ZNF662: variants seen among roughly 807,000 people sequenced by gnomAD.
The protein encoded by ZNF662 is zinc finger protein 662.
Under a neutral mutation model 12.4 loss-of-function variants are expected in ZNF662, and 14 were observed. The ratio of observed to expected loss-of-function variants is 1.13; its 90% CI spans 0.75 to 1.77. The LOEUF is 1.77. Among genes scored for constraint, ZNF662 ranks in the 40% most tolerant of loss-of-function variants. The pLI is 0.00. For missense variants in ZNF662, 550 were observed against 515.6 expected (o/e 1.07, Z -0.65); for synonymous variants, 184 against 176.4 (o/e 1.04, Z -0.34).
At position 42,914,330 on chromosome 3, in the gene ZNF662, G is replaced by A. The variant is rs1229373104; in HGVS notation, c.257G>A (p.Gly86Asp). The A allele has an allele frequency of 1.9e-6, 3 of 1,589,348 alleles. No homozygotes were observed. Among genetic ancestry groups the A allele is most frequent in the Non-Finnish European group, 2.6e-6 (3 of 1,171,398 alleles). Residue 86 changes from glycine to aspartate, a missense_variant, in exon 5 of 5, where the codon GGT (glycine) becomes GAT (aspartate). Transcript: ENST00000440367. ...AAGCTCCAATTTCTTTTTTCAGAGG[G>A]TGTGTTGAAGAGGAAGAAAGAAGAT... ...GEGPSLICPE[G>D]VLKRKKEDFI...
At chr3:42,908,445 C>T in intron 2 of ZNF662, 2 of 1,246,650 alleles carry the variant, frequency 1.6e-6, no homozygotes, top group Non-Finnish European at 2.0e-6. Context: ...AGTTCCCTCC[C>T]CTCTCGGTTT....
chr3:42,913,326 T>C, intron 4 of ZNF662, 24 bp downstream of exon 4: 1 of 1,552,786 alleles, frequency 6.4e-7, no homozygotes, highest in South Asian at 1.1e-5. Flanking sequence ...AAATGAGCAT[T>C]CTTCTCTCAG....
In ZNF662 at chr3:42,906,212, A is replaced by G. The variant is rs2088675885; in HGVS notation, c.-94+44A>G. The G allele has an allele frequency of 1.4e-6, 1 of 690,816 alleles. No individual in the cohort carries two copies. The highest frequency in any genetic ancestry group is 2.3e-6 in the Non-Finnish European group (1 of 439,108). 42.8% of individuals were successfully genotyped at this position (690,816 alleles called of 1,614,324 possible). ...CGGGCGTGGGGCGGGCAGGGAGTGG[A>G]GTCGGGGTCTTACTCCGGTGGCTGC... On this transcript the variant is annotated intron_variant, in intron 1 of 4. Transcript: ENST00000440367. The surrounding 1 kb of genome is among the most constrained non-coding windows in gnomAD (Gnocchi z 4.4).
chr3:42,913,263 C>T lies in ZNF662; in HGVS notation c.214C>T (p.Leu72=). 1 of 1,614,052 alleles carries T rather than the reference C, an allele frequency of 6.2e-7. No homozygotes were observed. The highest frequency in any genetic ancestry group is 8.5e-7 in the Non-Finnish European group (1 of 1,179,950). ...HPEQVEEPLN[L]KLQGEGPSLI... ...TGAGCAGGTGGAAGAGCCATTAAAC[C>T]TGAAACTGCAAGGAGAGGGTCCAAG... The change falls in exon 4 of 5, where the codon CTG becomes TTG. Residue 72 remains leucine, a synonymous_variant. Transcript: ENST00000440367.
intron 3 of ZNF662, among the ~76,000 whole-genome samples, chr3:42,912,906 A>AT (rs1050199973): frequency 1.3e-5 from 2 of 148,270 alleles, no homozygotes; most frequent in African/African-American, 5.0e-5. Context: ...TGCTTGGCTA[A>AT]TTTTTTTTGT....
In ZNF662 at chr3:42,906,572, C is replaced by G. The variant is rs1263723517; in HGVS notation, c.-94+404C>G. On this transcript the variant is annotated intron_variant, in intron 1 of 4. Transcript: ENST00000440367. This position sits in a 1 kb window ranked among gnomAD's most constrained non-coding sequence, Gnocchi z 4.4. ...GAGGGGCCTCGAGGGACAGGCAGCA[C>G]AGCGGAGTCGACACCCCTGGACCTG... The G allele has an allele frequency of 3.7e-6, 3 of 814,404 alleles. No individual in the cohort carries two copies. The highest frequency in any genetic ancestry group is 5.4e-6 in the Non-Finnish European group (3 of 559,296). The allele number at this position is 814,404 out of a possible 1,614,324, so 50.4% of individuals were successfully genotyped here. A position where few individuals can be genotyped will look rare whatever the true frequency, so the allele number is the denominator to read the frequency against.
In ZNF662 at chr3:42,914,808, G is replaced by A; in HGVS notation, c.735G>A (p.Val245=). ...CIAHQRIHSG[V]KPYECQECAK... is the part of the protein sequence containing the mutation. ...CACATCAGAGAATTCACAGTGGGGT[G>A]AAACCCTATGAATGTCAAGAATGTG... Residue 245 remains valine, a synonymous_variant, in exon 5 of 5, where the codon GTG becomes GTA. Coordinates refer to ENST00000440367, the MANE Select transcript of ZNF662 (RefSeq NM_207404.4). 6.2e-7 allele frequency: 1 copy of A among 1,613,952 alleles called. No individual in the cohort carries two copies. Among genetic ancestry groups the A allele is most frequent in the Non-Finnish European group, 8.5e-7 (1 of 1,179,946 alleles).
At position 42,907,788 on chromosome 3, in the gene ZNF662, A is replaced by AGAG. The variant is rs145396110; in HGVS notation, c.-93-230_-93-228dup. 2.4e-4 allele frequency: 234 copies of AGAG among 985,412 alleles called. No individual in the cohort carries two copies. The East Asian group carries it at 0.017, about 72-fold the overall frequency. 61.0% of individuals were successfully genotyped at this position (985,412 alleles called of 1,614,324 possible). Reference sequence around the variant, plus strand: ...GAAAACTTTTGCAGACTCATGAAAAAGAGGAGAAAATGTTTGCTGAAATAA... The same window carrying AGAG: ...GAAAACTTTTGCAGACTCATGAAAAAGAGGAGGAGAAAATGTTTGCTGAAATAA... On this transcript the variant is annotated intron_variant, in intron 1 of 4. Transcript: ENST00000440367.
At chr3:42,912,783 A>C (rs1330536879) in intron 3 of ZNF662, among the ~76,000 whole-genome samples, 2 of 133,346 alleles carry the variant, frequency 1.5e-5, no homozygotes, top group African/African-American at 5.6e-5. Flanking sequence ...TCTGTCGCCC[A>C]GGCTGGAGAG....
In ZNF662 at chr3:42,912,720, A is replaced by ATTTTTTATATATATAAATATATATATTTT. The variant is rs1575413619; in HGVS notation, c.152-455_152-454insTTTTTTTTTATATATATAAATATATATAT. On this transcript the variant is annotated intron_variant, in intron 3 of 4. Coordinates refer to ENST00000440367, the MANE Select transcript of ZNF662 (RefSeq NM_207404.4). ...TTTATATATATAAATATATATATATATTTTTTATATATATAAATATATATA... is the reference window on the plus strand; with the variant it reads ...TTTATATATATAAATATATATATATATTTTTTATATATATAAATATATATATTTTTTTTTTATATATATAAATATATATA... Among the ~76,000 whole-genome samples the ATTTTTTATATATATAAATATATATATTTT allele has an allele frequency of 6.9e-3, 459 of 66,384 alleles. 16 individuals are homozygous for ATTTTTTATATATATAAATATATATATTTT. Among genetic ancestry groups the ATTTTTTATATATATAAATATATATATTTT allele is most frequent in the East Asian group, 0.046 (122 of 2,630 alleles). The allele number at this position is 66,384 out of a possible 152,430, so 43.6% of individuals were successfully genotyped here. A position where few individuals can be genotyped will look rare whatever the true frequency, so the allele number is the denominator to read the frequency against.
At chr3:42,909,343 G>A (rs2088736435) in intron 3 of ZNF662, among the ~76,000 whole-genome samples, 1 of 152,188 alleles carries the variant, frequency 6.6e-6, no homozygotes, top group Non-Finnish European at 1.5e-5. Flanking sequence ...TTAACCGTTA[G>A]TGGACACAGC....
At position 42,917,187 on chromosome 3, in the gene ZNF662, C is replaced by T. The variant is rs2088903900; in HGVS notation, c.*1833C>T. 3.0e-6 allele frequency: 1 copy of T among 334,850 alleles called. No individual in the cohort carries two copies. Among genetic ancestry groups the T allele is most frequent in the Non-Finnish European group, 5.3e-6 (1 of 187,442 alleles). 20.7% of individuals were successfully genotyped at this position (334,850 alleles called of 1,614,324 possible). On this transcript the variant is annotated 3_prime_UTR_variant, in exon 5 of 5. Coordinates refer to ENST00000440367, the MANE Select transcript of ZNF662 (RefSeq NM_207404.4). Reference sequence around the variant, plus strand: ...CTCTGGGAACAGTTACCCGGGTATTCTTTGGGAAGCTATCCTTTCTCAGCT... The same window carrying T: ...CTCTGGGAACAGTTACCCGGGTATTTTTTGGGAAGCTATCCTTTCTCAGCT...
rs1434747689 is a variant in ZNF662, at chr3:42,918,650, G to T, written c.*3296G>T. On this transcript the variant is annotated 3_prime_UTR_variant, in exon 5 of 5. Transcript: ENST00000440367. The stretch of plus-strand genomic sequence containing the variant: ...TACATCTAACTTAGAATAAGGATAA[G>T]GATAAGGGTAGTGATCGATCTTAAC... Among the ~76,000 whole-genome samples the T allele has an allele frequency of 2.0e-5, 3 of 152,134 alleles. No individual in the cohort carries two copies. Among genetic ancestry groups the T allele is most frequent in the Non-Finnish European group, 4.4e-5 (3 of 68,026 alleles).
chr3:42,908,693 T>A lies in ZNF662; in HGVS notation c.35-100T>A. ...CTTGTTCTTCCTAGTTATTTCCGTTTTTTTCCCCTCCTACCCCTGAAGACA... is the reference window on the plus strand; with the variant it reads ...CTTGTTCTTCCTAGTTATTTCCGTTATTTTCCCCTCCTACCCCTGAAGACA... On this transcript the variant is annotated intron_variant, in intron 2 of 4. Coordinates refer to ENST00000440367, the MANE Select transcript of ZNF662 (RefSeq NM_207404.4). 3 of 1,475,028 alleles carry A rather than the reference T, an allele frequency of 2.0e-6. No individual in the cohort carries two copies. The South Asian group carries it at 4.1e-5, about 20-fold the overall frequency. 91.4% of individuals were successfully genotyped at this position (1,475,028 alleles called of 1,614,324 possible). A position where few individuals can be genotyped will look rare whatever the true frequency, so the allele number is the denominator to read the frequency against.
In ZNF662 at chr3:42,919,327, G is replaced by T. The variant is rs138547222; in HGVS notation, c.*3973G>T. 9.1e-3 allele frequency among the ~76,000 whole-genome samples: 1,390 copies of T among 152,246 alleles called. 19 individuals are homozygous for T. Among genetic ancestry groups the T allele is most frequent in the African/African-American group, 0.032 (1,314 of 41,544 alleles). Reference sequence around the variant, plus strand: ...TGAGTTGTTTGCAAAATAAACTTTAGTCTTGTATTTGGTCTGATTATTTGC... The same window carrying T: ...TGAGTTGTTTGCAAAATAAACTTTATTCTTGTATTTGGTCTGATTATTTGC... On this transcript the variant is annotated 3_prime_UTR_variant, in exon 5 of 5. Transcript: ENST00000440367.
intron 3 of ZNF662, among the ~76,000 whole-genome samples, chr3:42,911,385 G>T (rs942536713): frequency 1.3e-5 from 2 of 152,138 alleles, no homozygotes; most frequent in Non-Finnish European, 2.9e-5. Flanking sequence ...TAGTGGAAGG[G>T]GTATGGGGAG....
At position 42,906,156 on chromosome 3, in the gene ZNF662, T is replaced by G; in HGVS notation, c.-106T>G. 1 of 530,528 alleles carries G rather than the reference T, an allele frequency of 1.9e-6. No homozygotes were observed. The highest frequency in any genetic ancestry group is 2.6e-5 in the South Asian group (1 of 37,902). 32.9% of individuals were successfully genotyped at this position (530,528 alleles called of 1,614,324 possible). A position where few individuals can be genotyped will look rare whatever the true frequency, so the allele number is the denominator to read the frequency against. ...GCCCGAGCCCCGGCCTCCCGGATGC[T>G]GGGGCCTGGCGGGTGTGGAGCACGG... is the stretch of plus-strand genomic sequence containing the variant. On this transcript the variant is annotated 5_prime_UTR_variant, in exon 1 of 5. Transcript: ENST00000440367. This position sits in a 1 kb window ranked among gnomAD's most constrained non-coding sequence, Gnocchi z 4.4.
rs1474394066 is a variant in ZNF662, at chr3:42,907,787, A to G, written c.-93-235A>G. ...AGAAAACTTTTGCAGACTCATGAAA[A>G]AGAGGAGAAAATGTTTGCTGAAATA... On this transcript the variant is annotated intron_variant, in intron 1 of 4. Transcript: ENST00000440367. The G allele has an allele frequency of 3.0e-6, 3 of 985,298 alleles. No individual in the cohort carries two copies. In the African/African-American group the frequency reaches 5.2e-5, roughly 17 times the overall value. 61.0% of individuals were successfully genotyped at this position (985,298 alleles called of 1,614,324 possible). A position where few individuals can be genotyped will look rare whatever the true frequency, so the allele number is the denominator to read the frequency against.
In ZNF662 at chr3:42,917,485, G is replaced by T. The variant is rs953014103; in HGVS notation, c.*2131G>T. The T allele has an allele frequency of 1.4e-6, 1 of 701,470 alleles. No individual in the cohort carries two copies. The highest frequency in any genetic ancestry group is 1.5e-5 in the South Asian group (1 of 67,190). The allele number at this position is 701,470 out of a possible 1,614,324, so 43.5% of individuals were successfully genotyped here. ...AAGCTTCCAGGTGCTACCATATGGA[G>T]CCTAAGGATAAAGCCAATACCAAAG... is the stretch of plus-strand genomic sequence containing the variant. On this transcript the variant is annotated 3_prime_UTR_variant, in exon 5 of 5. Transcript: ENST00000440367.
Sources: gnomAD v4.1 joint callset for allele counts (sites outside exome capture counted in the v4.1 genomes callset) on GRCh38, gnomAD v4.1.1 for gene constraint, Gnocchi (gnomAD v3.1) non-coding constraint, MANE v1.5 for transcripts, NCBI Gene and HGNC (gene_info 2026-07-23, HGNC 2026-07-21) for gene names.